The following HTR2C variants were observed in gnomAD, a reference collection of about 807,000 sequenced individuals.
HTR2C encodes the protein 5-hydroxytryptamine receptor 2C.
Under a neutral mutation model 21.0 loss-of-function variants are expected in HTR2C, and 5 were observed. The observed-to-expected ratio is 0.24, with a 90% CI of 0.12 to 0.50. The LOEUF is 0.50. HTR2C is among the 20% of genes least tolerant of loss of function. The pLI, the probability that HTR2C is intolerant of heterozygous loss-of-function variation, is 0.98. For synonymous variants in HTR2C, 150 were observed against 145.3 expected (o/e 1.03, Z -0.23); for missense variants, 271 against 371.2 (o/e 0.73, Z 2.22).
intron 2 of HTR2C, among the ~76,000 whole-genome samples, chrX:114,629,843 G>A (rs1242030138): frequency 2.7e-5 from 3 of 111,013 alleles, no homozygotes; most frequent in Non-Finnish European, 5.7e-5. Flanking sequence ...CAGCATACCA[G>A]GCTAGGACAA....
intron 4 of HTR2C, among the ~76,000 whole-genome samples, chrX:114,732,792 T>C (rs2069549376): frequency 9.0e-6 from 1 of 111,335 alleles, no homozygotes; most frequent in Non-Finnish European, 1.9e-5. Flanking sequence ...TGGTGTCTGT[T>C]TCGCCAGCTT....
intron 2 of HTR2C, among the ~76,000 whole-genome samples, chrX:114,697,657 C>A (rs1254142065): frequency 1.8e-5 from 2 of 112,457 alleles, no homozygotes; most frequent in African/African-American, 6.4e-5. Context: ...CTACATCCTG[C>A]AATTCTTCTG....
At chrX:114,591,222 C>T (rs1556391094) in intron 1 of HTR2C, among the ~76,000 whole-genome samples, 1 of 110,942 alleles carries the variant, frequency 9.0e-6, no homozygotes, top group Non-Finnish European at 1.9e-5. Flanking sequence ...TAATGTTAGT[C>T]TAAAATAGAT....
intron 1 of HTR2C, among the ~76,000 whole-genome samples, chrX:114,612,714 A>G (rs1281336662): frequency 1.8e-5 from 2 of 111,456 alleles, no homozygotes; most frequent in Admixed American, 1.9e-4. Context: ...CTTAACTAAT[A>G]TTTAATTTCC....
chrX:114,593,495 A>G (rs181945551), intron 1 of HTR2C, among the ~76,000 whole-genome samples: 75 of 111,825 alleles, frequency 6.7e-4, no homozygotes, highest in Admixed American at 5.2e-3. Context: ...TTTAAATTTG[A>G]GTCTTATCTT....
At chrX:114,748,624 A>T (rs1423767533) in intron 4 of HTR2C, among the ~76,000 whole-genome samples, 1 of 112,154 alleles carries the variant, frequency 8.9e-6, no homozygotes, top group African/African-American at 3.2e-5. Flanking sequence ...TAATATTTTT[A>T]CTAAAAGGCA....
At chrX:114,756,122 AAAC>A (rs1176146456) in intron 4 of HTR2C, among the ~76,000 whole-genome samples, 1 of 37,358 alleles carries the variant, frequency 2.7e-5, no homozygotes, top group African/African-American at 5.2e-5. Flanking sequence ...AAACCATACA[AAAC>A]AACCCCCCCC....
At chrX:114,778,208 GT>G (rs1308446461) in intron 4 of HTR2C, among the ~76,000 whole-genome samples, 3 of 111,095 alleles carry the variant, frequency 2.7e-5, no homozygotes, top group East Asian at 5.7e-4. Flanking sequence ...TTGAGTTTTG[GT>G]ATCACATGAA....
intron 4 of HTR2C, among the ~76,000 whole-genome samples, chrX:114,798,554 G>A (rs1234000284): frequency 4.5e-5 from 5 of 111,535 alleles, no homozygotes; most frequent in South Asian, 3.7e-4. Context: ...TTTTTAAAGT[G>A]TGGATGTTAG....
At chrX:114,764,913 TTCTTTCTTTCTTTTCC>T (rs1434535341) in intron 4 of HTR2C, among the ~76,000 whole-genome samples, 10 of 72,427 alleles carry the variant, frequency 1.4e-4, no homozygotes, top group African/African-American at 4.2e-4. Flanking sequence ...CTTTCTTTCT[TTCTTTCTTTCTTTTCC>T]TTCCTTCCTT....
At position 114,642,499 on chromosome X, in the gene HTR2C, C is replaced by T. The variant is rs782525683; in HGVS notation, c.-80+28618C>T. 1.1e-4 allele frequency among the ~76,000 whole-genome samples: 12 copies of T among 111,638 alleles called. No individual in the cohort carries two copies. The South Asian group carries it at 4.4e-3, about 41-fold the overall frequency. ...GTGTTTAATTAATACTATGTGATAC[C>T]ATCATATAGAAAGTTTAAAAAACTT... is the stretch of plus-strand genomic sequence containing the variant. On this transcript the variant is annotated intron_variant, in intron 2 of 5. Transcript: ENST00000276198.
chrX:114,630,702 G>C (rs1929575573), intron 2 of HTR2C: 1 of 160,230 alleles, frequency 6.2e-6, no homozygotes, highest in Non-Finnish European at 1.3e-5. Flanking sequence ...ATGAAGCAAT[G>C]GGTTCTGAGA....
At chrX:114,874,892 T>C (rs1408823130) in intron 5 of HTR2C, among the ~76,000 whole-genome samples, 3 of 111,799 alleles carry the variant, frequency 2.7e-5, no homozygotes, top group African/African-American at 9.8e-5. Flanking sequence ...TTGTATGTCT[T>C]CTCTGGAAAA....
chrX:114,707,971 C>T (rs1022320942), intron 2 of HTR2C, among the ~76,000 whole-genome samples: 17 of 110,202 alleles, frequency 1.5e-4, no homozygotes, highest in African/African-American at 5.6e-4. Flanking sequence ...ACCGTTTTAA[C>T]TTGGTTTGTC....
chrX:114,870,285 T>TTGG (rs1419011133), intron 5 of HTR2C, among the ~76,000 whole-genome samples: 8 of 110,252 alleles, frequency 7.3e-5, no homozygotes, highest in Non-Finnish European at 1.5e-4. Flanking sequence ...TTTTGCCATG[T>TTGG]TGGCCAGGCT....
At position 114,629,387 on chromosome X, in the gene HTR2C, T is replaced by C. The variant is rs1225252194; in HGVS notation, c.-80+15506T>C. ...TAGGATATCACTTGTAGTTCTCATTTTGCTGAGAAGTTTCTGGTATTTGAT... is the reference window on the plus strand; with the variant it reads ...TAGGATATCACTTGTAGTTCTCATTCTGCTGAGAAGTTTCTGGTATTTGAT... On this transcript the variant is annotated intron_variant, in intron 2 of 5. Coordinates refer to ENST00000276198, the MANE Select transcript of HTR2C (RefSeq NM_000868.4). Among the ~76,000 whole-genome samples the C allele has an allele frequency of 3.6e-5, 4 of 112,137 alleles. No homozygotes were observed. In the East Asian group the frequency reaches 1.1e-3, roughly 31 times the overall value.
At chrX:114,704,239 G>A (rs1461585576) in intron 2 of HTR2C, among the ~76,000 whole-genome samples, 5 of 111,209 alleles carry the variant, frequency 4.5e-5, no homozygotes, top group Non-Finnish European at 9.4e-5. Flanking sequence ...TACCAAAGCT[G>A]GGCAGAGACA....
At chrX:114,634,866 G>C (rs908119424) in intron 2 of HTR2C, among the ~76,000 whole-genome samples, 4 of 111,606 alleles carry the variant, frequency 3.6e-5, no homozygotes, top group African/African-American at 1.3e-4. Context: ...ATTTTTCAGT[G>C]ATTACTGCTT....
intron 4 of HTR2C, among the ~76,000 whole-genome samples, chrX:114,769,745 A>G (rs1427336018): frequency 6.3e-5 from 7 of 111,387 alleles, no homozygotes; most frequent in Admixed American, 9.6e-5. Context: ...TTACATTTTT[A>G]TACATTATAA....
Sources: gnomAD v4.1 joint callset for allele counts (sites outside exome capture counted in the v4.1 genomes callset) on GRCh38, gnomAD v4.1.1 for gene constraint, MANE v1.5 for transcripts, NCBI Gene and HGNC (gene_info 2026-07-23, HGNC 2026-07-21) for gene names.